The following SMYD3 variants were observed in gnomAD, a reference collection of about 807,000 sequenced individuals.
SMYD3 encodes histone-lysine N-methyltransferase SMYD3.
SMYD3 carries 36 observed loss-of-function variants against 57.7 expected under a neutral mutation model. The observed-to-expected ratio is 0.62, with a 90% CI of 0.48 to 0.82. The LOEUF (loss-of-function observed/expected upper bound fraction) is 0.82. Among genes scored for constraint, SMYD3 ranks in the 40% least tolerant of loss-of-function variants. The pLI, the probability that SMYD3 is intolerant of heterozygous loss-of-function variation, is 0.00. For synonymous variants in SMYD3, 211 were observed against 195.0 expected, an observed-to-expected ratio of 1.08 and a Z score of -0.68; for missense variants, 515 against 538.8, an observed-to-expected ratio of 0.96 and a Z score of 0.44.
At chr1:246,340,454 GA>G (rs1277947891) in intron 2 of SMYD3, among the ~76,000 whole-genome samples, 4 of 151,870 alleles carry the variant, frequency 2.6e-5, no homozygotes, top group Non-Finnish European at 5.9e-5. Context: ...GACTGAAAAA[GA>G]AAAACCAATA....
chr1:246,182,520 C>T (rs922667773), intron 5 of SMYD3, among the ~76,000 whole-genome samples: 1 of 131,766 alleles, frequency 7.6e-6, no homozygotes, highest in Non-Finnish European at 1.6e-5. Context: ...AAAGCTGGGT[C>T]CTCACCTAGA....
chr1:246,244,383 G>A (rs2063668861), intron 5 of SMYD3, among the ~76,000 whole-genome samples: 1 of 150,228 alleles, frequency 6.7e-6, no homozygotes, highest in Non-Finnish European at 1.5e-5. Flanking sequence ...TTGTGAGTGT[G>A]GAAAAAAAAA....
chr1:245,973,384 A>G (rs1428865982), intron 5 of SMYD3, among the ~76,000 whole-genome samples: 2 of 152,244 alleles, frequency 1.3e-5, no homozygotes, highest in Non-Finnish European at 2.9e-5. Flanking sequence ...CCCAATCTGC[A>G]AATGTTTATT....
chr1:246,007,462 A>AG (rs2059195338), intron 5 of SMYD3, among the ~76,000 whole-genome samples: 1 of 152,030 alleles, frequency 6.6e-6, no homozygotes, highest in Admixed American at 6.6e-5. Context: ...GGTTTCATGT[A>AG]GGGGGAGAGA....
intron 5 of SMYD3, among the ~76,000 whole-genome samples, chr1:246,152,601 T>C (rs1156555509): frequency 6.6e-6 from 1 of 152,248 alleles, no homozygotes; most frequent in Admixed American, 6.5e-5. Flanking sequence ...AATTTCATTC[T>C]AAAGAGCAGA....
chr1:246,350,461 G>A (rs758304168), intron 2 of SMYD3, among the ~76,000 whole-genome samples: 11 of 152,170 alleles, frequency 7.2e-5, no homozygotes, highest in Non-Finnish European at 1.3e-4. Flanking sequence ...AGAAGCTGAC[G>A]AGAAGGGAAC....
At chr1:246,254,605 C>A (rs1296292822) in intron 5 of SMYD3, among the ~76,000 whole-genome samples, 2 of 152,134 alleles carry the variant, frequency 1.3e-5, no homozygotes, top group East Asian at 3.9e-4. Flanking sequence ...CTTAGGATTG[C>A]TTTGGCTACT....
intron 1 of SMYD3, among the ~76,000 whole-genome samples, chr1:246,485,080 G>A (rs865790997): frequency 5.8e-5 from 7 of 121,458 alleles, no homozygotes; most frequent in Admixed American, 2.4e-4. Flanking sequence ...AGTTACACCT[G>A]AAAACACATC....
chr1:246,456,284 G>T (rs74151972), intron 1 of SMYD3, among the ~76,000 whole-genome samples: 5,011 of 152,214 alleles, frequency 0.033, 234 homozygotes, highest in African/African-American at 0.11. Flanking sequence ...TACCTCAGTC[G>T]ATTTTAAGAC....
intron 5 of SMYD3, among the ~76,000 whole-genome samples, chr1:246,097,531 A>G (rs776622111): frequency 1.3e-5 from 2 of 152,168 alleles, no homozygotes; most frequent in Non-Finnish European, 1.5e-5. Context: ...TTAGCTGGAA[A>G]AGCAAAAGCT....
At position 246,414,786 on chromosome 1, in the gene SMYD3, C is replaced by T. The variant is rs377428388; in HGVS notation, c.165-59692G>A. Among the ~76,000 whole-genome samples the T allele has an allele frequency of 6.3e-4, 86 of 137,500 alleles. 1 individual carries two copies. In the South Asian group the frequency reaches 0.014, roughly 22 times the overall value. The allele number at this position is 137,500 out of a possible 152,430, so 90.2% of individuals were successfully genotyped here. A position where few individuals can be genotyped will look rare whatever the true frequency, so the allele number is the denominator to read the frequency against. On this transcript the variant is annotated intron_variant, in intron 1 of 11. Transcript: ENST00000490107. ...AGACCAGAGTGCAGTGGCATGCTAT[C>T]GGCTCACAGCAACCTCTGCCTCCTG...
At chr1:246,200,265 G>A (rs574335240) in intron 5 of SMYD3, among the ~76,000 whole-genome samples, 2 of 151,278 alleles carry the variant, frequency 1.3e-5, no homozygotes, top group African/African-American at 2.4e-5. Context: ...GTAGAGAACA[G>A]TGTAGACGCT....
intron 2 of SMYD3, among the ~76,000 whole-genome samples, chr1:246,344,277 A>G (rs895534764): frequency 1.3e-5 from 2 of 152,206 alleles, no homozygotes; most frequent in Non-Finnish European, 2.9e-5. Context: ...TGCCCCTTAC[A>G]TTCAAGTCCT....
rs187828613 is a variant in SMYD3 at position 246,331,149 on chromosome 1, G to C, written c.337-612C>G. 3.9e-5 allele frequency among the ~76,000 whole-genome samples: 6 copies of C among 152,214 alleles called. No individual in the cohort carries two copies. In the East Asian group the frequency reaches 1.2e-3, roughly 29 times the overall value. ...GTCCCTGTCTCAAAAAAGAAAAAAA[G>C]GAGAAGGACAAATCGGGAGCCTACA... On this transcript the variant is annotated intron_variant, in intron 3 of 11. Coordinates refer to ENST00000490107, the MANE Select transcript of SMYD3 (RefSeq NM_001167740.2).
intron 5 of SMYD3, among the ~76,000 whole-genome samples, chr1:246,161,818 T>C (rs2062125450): frequency 6.6e-6 from 1 of 152,208 alleles, no homozygotes; most frequent in South Asian, 2.1e-4. Flanking sequence ...CTGACTTATC[T>C]GGCCTCTCTC....
chr1:246,083,419 C>A (rs1343169169), intron 5 of SMYD3, among the ~76,000 whole-genome samples: 1 of 152,182 alleles, frequency 6.6e-6, no homozygotes, highest in Non-Finnish European at 1.5e-5. Flanking sequence ...ACCCTCTCCC[C>A]ACTATTACCC....
At chr1:246,311,684 C>G (rs913609345) in intron 5 of SMYD3, among the ~76,000 whole-genome samples, 12 of 152,234 alleles carry the variant, frequency 7.9e-5, no homozygotes, top group Non-Finnish European at 1.8e-4. Context: ...CGCACACACA[C>G]CCCAGCCATA....
In SMYD3 at chr1:246,165,338, ACTT is replaced by A. The variant is rs1163433129; in HGVS notation, c.531+161860_531+161862del. ...GAGGAAGAGGTGGAGCAAAGGCATT[ACTT>A]CTTTTTTTCCCCTCCCTCGCTTTCT... On this transcript the variant is annotated intron_variant, in intron 5 of 11. Coordinates refer to ENST00000490107, the MANE Select transcript of SMYD3 (RefSeq NM_001167740.2). 3.3e-5 allele frequency among the ~76,000 whole-genome samples: 5 copies of A among 152,332 alleles called. No individual in the cohort carries two copies. The East Asian group carries it at 7.7e-4, about 23-fold the overall frequency.
chr1:246,357,113 C>T (rs1259689804), intron 1 of SMYD3, among the ~76,000 whole-genome samples: 1 of 152,158 alleles, frequency 6.6e-6, no homozygotes, highest in Non-Finnish European at 1.5e-5. Flanking sequence ...TGCATGTGAA[C>T]CAGGGCAACT....
Sources: gnomAD v4.1 joint callset for allele counts (sites outside exome capture counted in the v4.1 genomes callset) on GRCh38, gnomAD v4.1.1 for gene constraint, MANE v1.5 for transcripts, NCBI Gene and HGNC (gene_info 2026-07-23, HGNC 2026-07-21) for gene names.